NOL4L: variants seen among roughly 807,000 people sequenced by gnomAD.
NOL4L encodes nucleolar protein 4-like.
In NOL4L, 7 loss-of-function variants were observed where a neutral mutation model predicts 64.5. The ratio of observed to expected loss-of-function variants is 0.11; its 90% CI spans 0.06 to 0.20. The LOEUF (loss-of-function observed/expected upper bound fraction) is 0.20, where lower values mean the gene tolerates loss of function less well. Among genes scored for constraint, NOL4L ranks in the 10% least tolerant of loss-of-function variants. The pLI, the probability that NOL4L is intolerant of heterozygous loss-of-function variation, is 1.00. For missense variants in NOL4L, 680 were observed against 967.1 expected, an observed-to-expected ratio of 0.70 and a Z score of 3.94; for synonymous variants, 413 against 401.0, an observed-to-expected ratio of 1.03 and a Z score of -0.36.
intron 5 of NOL4L, among the ~76,000 whole-genome samples, chr20:32,462,812 G>C (rs995643105): frequency 2.0e-5 from 3 of 148,262 alleles, no homozygotes; most frequent in African/African-American, 7.5e-5. Context: ...GGCTGAGGCA[G>C]GAGAATCGCT....
At chr20:32,467,707 T>C (rs2014672489) in intron 5 of NOL4L, among the ~76,000 whole-genome samples, 1 of 152,154 alleles carries the variant, frequency 6.6e-6, no homozygotes, top group Non-Finnish European at 1.5e-5. Flanking sequence ...CTCAACCGCC[T>C]GGCAAGGTGG....
rs1435529025 is a variant in NOL4L, at chr20:32,447,041, A to G, written c.*555T>C. 2 of 346,416 alleles carry G rather than the reference A, an allele frequency of 5.8e-6. No homozygotes were observed. Among genetic ancestry groups the G allele is most frequent in the Non-Finnish European group, 1.1e-5 (2 of 178,246 alleles). 21.5% of individuals were successfully genotyped at this position (346,416 alleles called of 1,614,324 possible). On this transcript the variant is annotated 3_prime_UTR_variant, in exon 11 of 11. Transcript: ENST00000621426. ...CCAGCCTGGCACCTGTCCTGCCCCT[A>G]CTGGCCCCAGCCCACATCAGTGTAG...
At chr20:32,498,792 T>C (rs959859843) in intron 4 of NOL4L, among the ~76,000 whole-genome samples, 11 of 126,168 alleles carry the variant, frequency 8.7e-5, no homozygotes, top group African/African-American at 3.2e-4. Context: ...AAAAAAGAAA[T>C]GCACTATTTT....
Position 32,447,474 on chromosome 20 carries a change from A to C in NOL4L, c.*122T>G, listed in dbSNP as rs1298442064. 7.6e-7 allele frequency: 1 copy of C among 1,310,302 alleles called. No homozygotes were observed. The highest frequency in any genetic ancestry group is 1.0e-6 in the Non-Finnish European group (1 of 977,238). The allele number at this position is 1,310,302 out of a possible 1,614,324, so 81.2% of individuals were successfully genotyped here. A position where few individuals can be genotyped will look rare whatever the true frequency, so the allele number is the denominator to read the frequency against. On this transcript the variant is annotated 3_prime_UTR_variant, in exon 11 of 11. Transcript: ENST00000621426. ...CTCAGGTGCTTGGAGTGTGGCTAGA[A>C]ACAGCTCTTTTGGATCCCACCTCTT...
intron 1 of NOL4L, among the ~76,000 whole-genome samples, chr20:32,574,839 A>G (rs1319671473): frequency 6.6e-6 from 1 of 151,778 alleles, no homozygotes; most frequent in Non-Finnish European, 1.5e-5. Flanking sequence ...AGCCTACCGG[A>G]CACCCTTGGA....
chr20:32,478,152 C>T (rs1265446139), intron 4 of NOL4L, among the ~76,000 whole-genome samples: 2 of 152,134 alleles, frequency 1.3e-5, no homozygotes, highest in Non-Finnish European at 2.9e-5. Flanking sequence ...CACCACATCT[C>T]CTCCCTTCAA....
intron 4 of NOL4L, among the ~76,000 whole-genome samples, chr20:32,480,328 AG>A (rs2015639216): frequency 6.6e-6 from 1 of 152,200 alleles, no homozygotes; most frequent in Non-Finnish European, 1.5e-5. Context: ...CCTGACCAGG[AG>A]CCCTGGGTGT....
At chr20:32,509,558 A>C (rs914793699) in intron 4 of NOL4L, among the ~76,000 whole-genome samples, 1 of 150,730 alleles carries the variant, frequency 6.6e-6, no homozygotes, top group Non-Finnish European at 1.5e-5. Flanking sequence ...AAGAAAATCT[A>C]GGGGTACTGC....
At chr20:32,470,215 C>T (rs547117619) in intron 5 of NOL4L, among the ~76,000 whole-genome samples, 5 of 152,350 alleles carry the variant, frequency 3.3e-5, no homozygotes, top group African/African-American at 9.6e-5. Flanking sequence ...GGAGGCCAGA[C>T]GGGCCTCACA....
chr20:32,556,938 C>T (rs1025093632), intron 1 of NOL4L, among the ~76,000 whole-genome samples: 2 of 152,234 alleles, frequency 1.3e-5, no homozygotes, highest in Non-Finnish European at 2.9e-5. Flanking sequence ...TGATATTGAT[C>T]GAGCTCCTGA....
intron 5 of NOL4L, among the ~76,000 whole-genome samples, chr20:32,461,416 CTTTTCTTTT>C (rs2014040548): frequency 1.6e-5 from 1 of 61,166 alleles, no homozygotes; most frequent in African/African-American, 5.1e-5. Context: ...CTCTACCTTT[CTTTTCTTTT>C]TTTTTTTTTT....
At chr20:32,534,615 G>C (rs1249583609) in intron 1 of NOL4L, among the ~76,000 whole-genome samples, 1 of 152,182 alleles carries the variant, frequency 6.6e-6, no homozygotes, top group East Asian at 1.9e-4. Flanking sequence ...CACTTTGGGA[G>C]ACAGAGGTGG....
chr20:32,450,436 G>A (rs2012774466), intron 10 of NOL4L: 1 of 152,308 alleles, frequency 6.6e-6, no homozygotes, highest in Non-Finnish European at 1.5e-5. Flanking sequence ...CCAGATTTCT[G>A]CGTCAGTGGC....
At chr20:32,521,374 T>C (rs2017927214) in intron 2 of NOL4L, among the ~76,000 whole-genome samples, 1 of 152,164 alleles carries the variant, frequency 6.6e-6, no homozygotes, top group African/African-American at 2.4e-5. Flanking sequence ...CCATCTCCTG[T>C]GATCACTGAC....
intron 1 of NOL4L, among the ~76,000 whole-genome samples, chr20:32,565,613 C>T (rs1181547358): frequency 3.9e-5 from 6 of 152,132 alleles, no homozygotes; most frequent in Non-Finnish European, 4.4e-5. Context: ...CCTCTCCAGG[C>T]CTCAACTTAC....
At chr20:32,448,256 G>C (rs2012502274) in intron 10 of NOL4L, among the ~76,000 whole-genome samples, 1 of 152,346 alleles carries the variant, frequency 6.6e-6, no homozygotes. Context: ...GCTGGAAGGG[G>C]AGATGGTGTG....
At chr20:32,558,296 T>C (rs1266736052) in intron 1 of NOL4L, among the ~76,000 whole-genome samples, 1 of 152,054 alleles carries the variant, frequency 6.6e-6, no homozygotes, top group Admixed American at 6.6e-5. Context: ...GGGCCTCAGT[T>C]CCTCCTCACG....
chr20:32,551,693 TG>T (rs1409308959), intron 1 of NOL4L, among the ~76,000 whole-genome samples: 2 of 151,316 alleles, frequency 1.3e-5, no homozygotes, highest in Non-Finnish European at 2.9e-5. Flanking sequence ...GTGAGGGGTA[TG>T]GGGGGTTTCT....
intron 4 of NOL4L, among the ~76,000 whole-genome samples, chr20:32,501,013 C>A (rs1600768759): frequency 6.6e-6 from 1 of 152,296 alleles, no homozygotes; most frequent in Non-Finnish European, 1.5e-5. Context: ...CTAAAAAAGG[C>A]AGAACATGAC....
Sources: gnomAD v4.1 joint callset for allele counts (sites outside exome capture counted in the v4.1 genomes callset) on GRCh38, gnomAD v4.1.1 for gene constraint, MANE v1.5 for transcripts, NCBI Gene and HGNC (gene_info 2026-07-23, HGNC 2026-07-21) for gene names.